The following WDR43 variants were observed in gnomAD, a reference collection of about 807,000 sequenced individuals.
WDR43 encodes the protein WD repeat-containing protein 43.
A neutral mutation model predicts 91.4 loss-of-function variants in WDR43; 13 were observed. The ratio of observed to expected loss-of-function variants is 0.14; its 90% CI spans 0.09 to 0.23. The LOEUF (loss-of-function observed/expected upper bound fraction) is 0.23. Ranked by LOEUF, WDR43 falls within the 10% of genes least tolerant of loss-of-function variation. The pLI is 1.00. For synonymous variants in WDR43, 331 were observed against 287.9 expected, an observed-to-expected ratio of 1.15 and a Z score of -1.51; for missense variants, 780 against 809.4, an observed-to-expected ratio of 0.96 and a Z score of 0.44.
intron 13 of WDR43, 28 bp downstream of exon 13, chr2:28,936,981 A>G (rs1255450884): frequency 1.0e-5 from 16 of 1,556,348 alleles, no homozygotes; most frequent in Non-Finnish European, 1.4e-5. Context: ...ACTTAAAAAC[A>G]GTGTTGTCTG....
At chr2:28,929,910 T>C (rs557439116) in intron 11 of WDR43, 200 bp downstream of exon 11, 1 of 614,020 alleles carries the variant, frequency 1.6e-6, no homozygotes, top group South Asian at 1.9e-5. Flanking sequence ...CATTGAGTTA[T>C]TTTGAACCTG....
chr2:28,924,441 AT>A, intron 7 of WDR43, among the ~76,000 whole-genome samples: 1 of 152,168 alleles, frequency 6.6e-6, no homozygotes. Flanking sequence ...CAGGGAACTT[AT>A]TTATATCATG....
chr2:28,943,606 A>T (rs191169894), intron 16 of WDR43, among the ~76,000 whole-genome samples: 124 of 152,312 alleles, frequency 8.1e-4, no homozygotes, highest in African/African-American at 2.9e-3. Context: ...AATAATAGAC[A>T]GCTAGACCAA....
chr2:28,927,484 C>T, intron 9 of WDR43, 85 bp from the exon 10 acceptor site: 1 of 1,498,088 alleles, frequency 6.7e-7, no homozygotes, highest in Non-Finnish European at 9.0e-7. Context: ...TAGAGGAGCC[C>T]TTTAAAAGCT....
chr2:28,931,756 C>G (rs1008408076), intron 11 of WDR43, among the ~76,000 whole-genome samples: 4 of 151,558 alleles, frequency 2.6e-5, no homozygotes, highest in African/African-American at 4.8e-5. Flanking sequence ...TATGAAAACA[C>G]TTCTTAAATT....
chr2:28,906,750 A>C (rs1670689453), intron 3 of WDR43, among the ~76,000 whole-genome samples, 169 bp downstream of exon 3: 1 of 152,206 alleles, frequency 6.6e-6, no homozygotes, highest in Non-Finnish European at 1.5e-5. Context: ...AAAATACATA[A>C]AAGCTAAAAA....
intron 16 of WDR43, among the ~76,000 whole-genome samples, chr2:28,946,122 G>A (rs1457618902): frequency 6.6e-6 from 1 of 152,086 alleles, no homozygotes; most frequent in Non-Finnish European, 1.5e-5. Context: ...GATCCTTTGA[G>A]TCCAGGAGTT....
intron 13 of WDR43, 101 bp from the exon 14 acceptor site, chr2:28,937,830 A>T: frequency 9.2e-7 from 1 of 1,089,060 alleles, no homozygotes. Flanking sequence ...TCACAGAGCA[A>T]CATTTATAGA....
chr2:28,911,791 T>G lies in WDR43; in HGVS notation c.486-799T>G, dbSNP rs546023951. Among the ~76,000 whole-genome samples the G allele has an allele frequency of 2.0e-4, 30 of 152,082 alleles. No individual in the cohort carries two copies. In the South Asian group the frequency reaches 6.2e-3, roughly 32 times the overall value. ...GGACTACTACACCATGCCTGGCTAA[T>G]TTTTGTAGTTTTTGTAGAGTCAGGG... On this transcript the variant is annotated intron_variant, in intron 3 of 17. Transcript: ENST00000407426.
At chr2:28,933,769 A>G (rs1671291084) in intron 11 of WDR43, among the ~76,000 whole-genome samples, 1 of 152,200 alleles carries the variant, frequency 6.6e-6, no homozygotes, top group East Asian at 1.9e-4. Context: ...GCAAATTAAA[A>G]CCACAGTGAA....
At chr2:28,920,969 G>A (rs919190756) in intron 6 of WDR43, among the ~76,000 whole-genome samples, 5 of 151,724 alleles carry the variant, frequency 3.3e-5, no homozygotes, top group African/African-American at 7.3e-5. Flanking sequence ...GAGCCATTGT[G>A]CCTGGGCAAG....
At chr2:28,924,545 G>A (rs756480101) in intron 7 of WDR43, among the ~76,000 whole-genome samples, 1 of 152,128 alleles carries the variant, frequency 6.6e-6, no homozygotes, top group Non-Finnish European at 1.5e-5. Context: ...AGAATGTGAA[G>A]AGAGCCCCTA....
At chr2:28,934,712 C>G (rs1253907580) in intron 11 of WDR43, among the ~76,000 whole-genome samples, 1 of 152,176 alleles carries the variant, frequency 6.6e-6, no homozygotes, top group Admixed American at 6.5e-5. Context: ...AATGAGGCCC[C>G]TGTTTCAAAT....
chr2:28,937,469 G>A (rs1252347922), intron 13 of WDR43, among the ~76,000 whole-genome samples: 2 of 151,920 alleles, frequency 1.3e-5, no homozygotes, highest in Non-Finnish European at 2.9e-5. Flanking sequence ...CACAAAAGAG[G>A]AAAGCTAAAT....
chr2:28,932,428 G>C (rs914495782), intron 11 of WDR43, among the ~76,000 whole-genome samples: 2 of 152,178 alleles, frequency 1.3e-5, no homozygotes, highest in Admixed American at 1.3e-4. Flanking sequence ...CTCCCAGAAT[G>C]CTGGGATTAC....
chr2:28,937,907 G>C, intron 13 of WDR43, 24 bp from the exon 14 acceptor site: 1 of 1,612,124 alleles, frequency 6.2e-7, no homozygotes, highest in East Asian at 2.2e-5. Context: ...GTGAACATTA[G>C]TTTACTTGGA....
At chr2:28,934,267 A>G (rs1255452365) in intron 11 of WDR43, among the ~76,000 whole-genome samples, 8 of 152,190 alleles carry the variant, frequency 5.3e-5, no homozygotes. Flanking sequence ...GCTGCCTGGG[A>G]ATCGGGGTGG....
At chr2:28,903,833 C>G (rs1344877304) in intron 2 of WDR43, among the ~76,000 whole-genome samples, 3 of 152,122 alleles carry the variant, frequency 2.0e-5, no homozygotes, top group Non-Finnish European at 4.4e-5. Context: ...AAGACAGAGT[C>G]TCACTCTGTC....
chr2:28,895,111 G>A (rs1670451620), intron 1 of WDR43, 188 bp downstream of exon 1: 1 of 483,834 alleles, frequency 2.1e-6, no homozygotes, highest in Non-Finnish European at 3.2e-6. Flanking sequence ...CGAGGGCAGT[G>A]AGGGAGGGCG....
Sources: gnomAD v4.1 joint callset for allele counts (sites outside exome capture counted in the v4.1 genomes callset) on GRCh38, gnomAD v4.1.1 for gene constraint, MANE v1.5 for transcripts, NCBI Gene and HGNC (gene_info 2026-07-23, HGNC 2026-07-21) for gene names.